FCHSD2: variants seen among roughly 807,000 people sequenced by gnomAD.
FCHSD2 encodes F-BAR and double SH3 domains protein 2.
FCHSD2 carries 38 observed loss-of-function variants against 108.1 expected under a neutral mutation model. The observed-to-expected ratio is 0.35, with a 90% confidence interval of 0.27 to 0.46. The LOEUF is 0.46. FCHSD2 is among the 20% of genes least tolerant of loss of function. The pLI, the probability that FCHSD2 is intolerant of heterozygous loss-of-function variation, is 1.00. For synonymous variants in FCHSD2, 279 were observed against 314.7 expected (o/e 0.89, Z 1.20); for missense variants, 751 against 897.8 (o/e 0.84, Z 2.09).
At chr11:72,920,759 C>G (rs1237316441) in intron 9 of FCHSD2, among the ~76,000 whole-genome samples, 1 of 152,112 alleles carries the variant, frequency 6.6e-6, no homozygotes, top group African/African-American at 2.4e-5. Context: ...TACATAGATT[C>G]CTCAATTAAT....
chr11:72,900,236 C>CCAT, intron 10 of FCHSD2: 2 of 1,451,840 alleles, frequency 1.4e-6, no homozygotes, highest in Non-Finnish European at 1.9e-6. Context: ...CCCTCCCGCC[C>CCAT]TTGACCCACA....
chr11:73,055,001 G>A (rs192368433), intron 3 of FCHSD2, among the ~76,000 whole-genome samples: 1 of 152,274 alleles, frequency 6.6e-6, no homozygotes, highest in Admixed American at 6.5e-5. Flanking sequence ...ATGGACTGTG[G>A]TTCCACGTGG....
chr11:72,889,644 T>A (rs1591372770), intron 11 of FCHSD2, among the ~76,000 whole-genome samples, 185 bp downstream of exon 11: 2 of 146,582 alleles, frequency 1.4e-5, no homozygotes, highest in South Asian at 4.4e-4. Context: ...GCCCAGGAGG[T>A]TGAAGCTGCA....
intron 8 of FCHSD2, among the ~76,000 whole-genome samples, chr11:72,933,682 C>T (rs540732231): frequency 1.1e-4 from 16 of 152,268 alleles, no homozygotes; most frequent in African/African-American, 3.1e-4. Context: ...AATTCAATTG[C>T]TTTCCTTACT....
intron 8 of FCHSD2, among the ~76,000 whole-genome samples, chr11:72,925,622 C>T (rs1856060673): frequency 6.6e-6 from 1 of 152,214 alleles, no homozygotes; most frequent in African/African-American, 2.4e-5. Flanking sequence ...AGCAATAAAA[C>T]ATATATTATC....
At chr11:72,862,449 T>C (rs1195799162) in intron 13 of FCHSD2, among the ~76,000 whole-genome samples, 1 of 152,186 alleles carries the variant, frequency 6.6e-6, no homozygotes, top group Non-Finnish European at 1.5e-5. Context: ...GGATCAGCAA[T>C]GAACAATTGG....
intron 9 of FCHSD2, among the ~76,000 whole-genome samples, chr11:72,903,184 AATTT>A (rs869064929): frequency 8.0e-6 from 1 of 124,704 alleles, no homozygotes; most frequent in African/African-American, 3.2e-5. Flanking sequence ...GCTAGAAAGG[AATTT>A]ATTTATTTAT....
intron 2 of FCHSD2, among the ~76,000 whole-genome samples, chr11:73,091,980 A>G (rs1269391817): frequency 6.6e-6 from 1 of 152,048 alleles, no homozygotes; most frequent in African/African-American, 2.4e-5. Flanking sequence ...GGTTGCAGTG[A>G]GCTGAAATTG....
chr11:72,907,619 T>TTC (rs57347063), intron 9 of FCHSD2, among the ~76,000 whole-genome samples: 2 of 149,746 alleles, frequency 1.3e-5, no homozygotes, highest in Non-Finnish European at 3.0e-5. Context: ...TTTTTTTTTT[T>TTC]CTTGAGACGG....
At chr11:72,947,867 CTA>C (rs1466898485) in intron 8 of FCHSD2, among the ~76,000 whole-genome samples, 1 of 152,116 alleles carries the variant, frequency 6.6e-6, no homozygotes, top group African/African-American at 2.4e-5. Context: ...AAATTCAAGA[CTA>C]TATTTTACAT....
chr11:72,883,243 G>T (rs1046902730), intron 12 of FCHSD2, among the ~76,000 whole-genome samples: 2 of 152,172 alleles, frequency 1.3e-5, no homozygotes, highest in Non-Finnish European at 2.9e-5. Flanking sequence ...AAGAAAACAT[G>T]AGAGGACATA....
intron 2 of FCHSD2, among the ~76,000 whole-genome samples, chr11:73,113,235 A>G (rs1860530034): frequency 6.6e-6 from 1 of 151,180 alleles, no homozygotes; most frequent in South Asian, 2.1e-4. Flanking sequence ...CGAATTTCTT[A>G]GAGTTTCCTC....
intron 8 of FCHSD2, among the ~76,000 whole-genome samples, chr11:72,941,849 T>C (rs1316339247): frequency 6.6e-6 from 1 of 152,136 alleles, no homozygotes; most frequent in Non-Finnish European, 1.5e-5. Flanking sequence ...AAAAAAGATA[T>C]CTTAAGGAAG....
At chr11:72,971,652 G>A (rs1042453495) in intron 8 of FCHSD2, among the ~76,000 whole-genome samples, 2 of 152,154 alleles carry the variant, frequency 1.3e-5, no homozygotes, top group African/African-American at 4.8e-5. Flanking sequence ...CCTACAACCA[G>A]AAGGAACTGG....
At chr11:73,042,404 C>T (rs1015904703) in intron 3 of FCHSD2, among the ~76,000 whole-genome samples, 8 of 152,116 alleles carry the variant, frequency 5.3e-5, no homozygotes, top group Admixed American at 3.9e-4. Context: ...CTTAATCCAT[C>T]CCATTGTTCT....
intron 5 of FCHSD2, among the ~76,000 whole-genome samples, chr11:72,994,859 T>C (rs573688949): frequency 2.0e-5 from 3 of 152,300 alleles, no homozygotes; most frequent in East Asian, 1.9e-4. Context: ...ATAATTCACA[T>C]ACAACAAAAT....
At chr11:73,111,786 C>T (rs1860492432) in intron 2 of FCHSD2, among the ~76,000 whole-genome samples, 1 of 151,992 alleles carries the variant, frequency 6.6e-6, no homozygotes, top group South Asian at 2.1e-4. Context: ...GAGGTTACCA[C>T]AAGGCTTGCA....
intron 2 of FCHSD2, among the ~76,000 whole-genome samples, chr11:73,113,064 C>A (rs1860525697): frequency 2.0e-5 from 3 of 152,082 alleles, no homozygotes; most frequent in Admixed American, 1.3e-4. Flanking sequence ...AAGAGTTTAT[C>A]TTCAAGCTCA....
At chr11:72,901,866 T>C (rs987743296) in intron 10 of FCHSD2, among the ~76,000 whole-genome samples, 2 of 141,286 alleles carry the variant, frequency 1.4e-5, no homozygotes, top group African/African-American at 3.0e-5. Flanking sequence ...TCTATTCTGG[T>C]TTTTTTTTTG....
Sources: allele counts gnomAD v4.1 joint callset (sites outside exome capture counted in the v4.1 genomes callset), GRCh38; gene constraint gnomAD v4.1.1; transcripts MANE v1.5; gene names NCBI Gene and HGNC (gene_info 2026-07-23, HGNC 2026-07-21).